Variants in DLGAP4 observed in about 807,000 individuals in gnomAD.
DLGAP4 encodes DLG associated protein 4.
In DLGAP4, 18 loss-of-function variants were observed where a neutral mutation model predicts 86.9. That is an observed-to-expected ratio of 0.21 (90% CI 0.14 to 0.31). The LOEUF (loss-of-function observed/expected upper bound fraction) is 0.31, where lower values mean the gene tolerates loss of function less well. DLGAP4 is among the 10% of genes least tolerant of loss of function. DLGAP4 has a pLI of 1.00. For synonymous variants in DLGAP4, 548 were observed against 574.3 expected, an observed-to-expected ratio of 0.95 and a Z score of 0.65; for missense variants, 1,085 against 1,362.6, an observed-to-expected ratio of 0.80 and a Z score of 3.21.
intron 7 of DLGAP4, chr20:36,492,738 A>G (rs1425532424): frequency 6.6e-6 from 1 of 152,186 alleles, no homozygotes; most frequent in Non-Finnish European, 1.5e-5. Flanking sequence ...CCCCCATACT[A>G]ACTGCTACCC....
chr20:36,402,613 TGGTGCATGCCAGTAGTCCCAGCTACTTG>T (rs1555898562), intron 2 of DLGAP4, among the ~76,000 whole-genome samples: 1 of 152,066 alleles, frequency 6.6e-6, no homozygotes, highest in Non-Finnish European at 1.5e-5. Flanking sequence ...CTGGACATGG[TGGTGCATGCCAGTAGTCCCAGCTACTTG>T]GGAGGCTGAG....
chr20:36,446,643 C>A, intron 6 of DLGAP4, 54 bp from the exon 7 acceptor site: 2 of 1,533,464 alleles, frequency 1.3e-6, no homozygotes, highest in Non-Finnish European at 1.8e-6. Context: ...AGAACCGCTC[C>A]CCCCAGGATG....
intron 2 of DLGAP4, among the ~76,000 whole-genome samples, chr20:36,378,536 G>C (rs1186700244): frequency 1.3e-5 from 2 of 152,148 alleles, no homozygotes; most frequent in Non-Finnish European, 2.9e-5. Context: ...GTAACCAGTG[G>C]CAGAAATGCA....
chr20:36,408,615 A>G (rs956618493), intron 2 of DLGAP4, among the ~76,000 whole-genome samples: 3 of 152,224 alleles, frequency 2.0e-5, no homozygotes, highest in African/African-American at 7.2e-5. Context: ...TCAGAGTAAG[A>G]AGCCCCTGTG....
At chr20:36,386,774 C>T (rs530025237) in intron 2 of DLGAP4, among the ~76,000 whole-genome samples, 6 of 152,264 alleles carry the variant, frequency 3.9e-5, no homozygotes, top group Admixed American at 2.0e-4. Context: ...GTTGTAGGGA[C>T]GAAGTCTCAC....
intron 2 of DLGAP4, among the ~76,000 whole-genome samples, chr20:36,422,916 C>T (rs755339240): frequency 1.4e-4 from 21 of 152,210 alleles, no homozygotes; most frequent in Admixed American, 3.3e-4. Context: ...CTGCTTCCCC[C>T]TGCAAGGGCA....
At chr20:36,342,142 C>T (rs1385200999) in intron 1 of DLGAP4, among the ~76,000 whole-genome samples, 4 of 152,280 alleles carry the variant, frequency 2.6e-5, no homozygotes, top group Middle Eastern at 6.8e-3. Flanking sequence ...CAGCGAGGGG[C>T]CAAAGGTCAG....
At chr20:36,361,964 G>A (rs2030535973) in intron 1 of DLGAP4, among the ~76,000 whole-genome samples, 1 of 142,116 alleles carries the variant, frequency 7.0e-6, no homozygotes, top group South Asian at 2.3e-4. Context: ...GGATGACACT[G>A]CGAGATTCTG....
chr20:36,383,310 G>A (rs1361209695), intron 2 of DLGAP4, among the ~76,000 whole-genome samples: 2 of 152,320 alleles, frequency 1.3e-5, no homozygotes, highest in Admixed American at 1.3e-4. Context: ...TGGGCAAGGA[G>A]CCAATAAAAG....
intron 2 of DLGAP4, among the ~76,000 whole-genome samples, chr20:36,425,974 A>G (rs2032962677): frequency 6.6e-6 from 1 of 152,250 alleles, no homozygotes; most frequent in Non-Finnish European, 1.5e-5. Context: ...GCCAAAAGGT[A>G]GAAACAACCC....
At chr20:36,462,165 A>C in intron 7 of DLGAP4, 1 of 1,040,252 alleles carries the variant, frequency 9.6e-7, no homozygotes, top group Non-Finnish European at 1.2e-6. Context: ...ATCCACTGGG[A>C]GCTCCTAGGT....
intron 1 of DLGAP4, among the ~76,000 whole-genome samples, chr20:36,355,949 T>G (rs1016166973): frequency 2.0e-5 from 3 of 152,178 alleles, no homozygotes; most frequent in Non-Finnish European, 2.9e-5. Context: ...GGCATAGAGC[T>G]CATGACCCAG....
In DLGAP4 at chr20:36,521,143, C is replaced by T. The variant is rs564454902; in HGVS notation, c.2513-3107C>T. Among the ~76,000 whole-genome samples the T allele has an allele frequency of 7.2e-5, 11 of 152,140 alleles. No individual in the cohort carries two copies. In the East Asian group the frequency reaches 1.9e-3, roughly 27 times the overall value. On this transcript the variant is annotated intron_variant, in intron 10 of 12. Coordinates refer to ENST00000339266, the MANE Select transcript of DLGAP4 (RefSeq NM_001365621.2). ...CTATTTTTTGTATTTTTAGTAGAGA[C>T]GGAGTTTTGCCATGTTGCCCAGGTT... is the stretch of plus-strand genomic sequence containing the variant.
chr20:36,437,052 G>C (rs958148152), intron 4 of DLGAP4, among the ~76,000 whole-genome samples: 1 of 152,120 alleles, frequency 6.6e-6, no homozygotes, highest in Non-Finnish European at 1.5e-5. Flanking sequence ...TGTTCCCCCG[G>C]AGATCCCAGC....
chr20:36,332,953 C>CT (rs1555891720), intron 1 of DLGAP4, among the ~76,000 whole-genome samples: 1 of 152,200 alleles, frequency 6.6e-6, no homozygotes, highest in Non-Finnish European at 1.5e-5. Flanking sequence ...ACAGGAGGCT[C>CT]TTTCTTTCCT....
intron 1 of DLGAP4, among the ~76,000 whole-genome samples, chr20:36,349,418 CAAA>C (rs578216334): frequency 7.6e-5 from 7 of 91,992 alleles, no homozygotes; most frequent in East Asian, 3.0e-4. Context: ...ACTCCATCTC[CAAA>C]AAAAAAAAAA....
In DLGAP4 at chr20:36,365,363, C is replaced by T. The variant is rs140380758; in HGVS notation, c.-303-1682C>T. On this transcript the variant is annotated intron_variant, in intron 1 of 12. Coordinates refer to ENST00000339266, the MANE Select transcript of DLGAP4 (RefSeq NM_001365621.2). ...CTTTCCCGCCCTGGCAATTTTCACA[C>T]CTTATGGTGAATCTTGAAATCTTTT... 2.2e-4 allele frequency among the ~76,000 whole-genome samples: 34 copies of T among 152,372 alleles called. No individual in the cohort carries two copies. The South Asian group carries it at 4.1e-3, about 19-fold the overall frequency.
At chr20:36,472,239 T>G (rs1197650328) in intron 7 of DLGAP4, among the ~76,000 whole-genome samples, 1 of 152,180 alleles carries the variant, frequency 6.6e-6, no homozygotes, top group African/African-American at 2.4e-5. Context: ...TGGTGGCTCA[T>G]GCCTGTTATC....
intron 7 of DLGAP4, among the ~76,000 whole-genome samples, chr20:36,467,575 G>A (rs1224953972): frequency 6.6e-6 from 1 of 152,190 alleles, no homozygotes; most frequent in Admixed American, 6.5e-5. Context: ...GGGTAAATTG[G>A]AATGAATAAA....
Sources: allele counts gnomAD v4.1 joint callset (sites outside exome capture counted in the v4.1 genomes callset), GRCh38; gene constraint gnomAD v4.1.1; transcripts MANE v1.5; gene names NCBI Gene and HGNC (gene_info 2026-07-23, HGNC 2026-07-21).